Variants in CPNE7 observed in about 807,000 individuals in gnomAD.
CPNE7 encodes copine-7.
A neutral mutation model predicts 66.5 loss-of-function variants in CPNE7; 78 were observed. The ratio of observed to expected loss-of-function variants is 1.17; its 90% CI spans 0.98 to 1.42. The LOEUF is 1.42. CPNE7 is among the 40% of genes most tolerant of loss of function. The probability of loss-of-function intolerance (pLI) is 0.00; values close to 1 mark genes in which losing one functional copy is unlikely to be tolerated. For synonymous variants in CPNE7, 468 were observed against 336.7 expected (o/e 1.39, Z -4.27); for missense variants, 1,012 against 776.6 (o/e 1.30, Z -3.60).
chr16:89,593,357 T>G (rs1597721118), intron 13 of CPNE7, among the ~76,000 whole-genome samples: 1 of 146,654 alleles, frequency 6.8e-6, no homozygotes, highest in East Asian at 2.5e-4. Context: ...TACCTCTTAA[T>G]ATTTTTTTTT....
At chr16:89,587,666 C>G (rs921031642) in intron 9 of CPNE7, 3 of 424,216 alleles carry the variant, frequency 7.1e-6, no homozygotes, top group African/African-American at 6.2e-5. Flanking sequence ...CCATGTCACC[C>G]GCAGACCCCG....
intron 2 of CPNE7, chr16:89,583,462 C>A: frequency 6.4e-7 from 1 of 1,550,744 alleles, no homozygotes; most frequent in Non-Finnish European, 8.7e-7. Flanking sequence ...ACCTCTGCCT[C>A]CCCTGGGCGA....
chr16:89,584,871 G>T lies in CPNE7; in HGVS notation c.591+14G>T. The T allele has an allele frequency of 6.2e-7, 1 of 1,611,086 alleles. No individual in the cohort carries two copies. Among genetic ancestry groups the T allele is most frequent in the Non-Finnish European group, 8.5e-7 (1 of 1,178,290 alleles). On this transcript the variant is annotated intron_variant, in intron 5 of 14. Transcript: ENST00000319518. This position sits in a 1 kb window ranked among gnomAD's most constrained non-coding sequence, Gnocchi z 6.0. ...TACAGGACGGAGGTGAGCGGCCGGGGATGGGAACACAGGGAGGGGAAGGGG... is the reference window on the plus strand; with the variant it reads ...TACAGGACGGAGGTGAGCGGCCGGGTATGGGAACACAGGGAGGGGAAGGGG...
chr16:89,579,248 C>T (rs146416442), intron 2 of CPNE7, among the ~76,000 whole-genome samples: 110 of 151,648 alleles, frequency 7.3e-4, no homozygotes, highest in African/African-American at 2.5e-3. Context: ...GCCGAGATCG[C>T]GCCACTGCAC....
intron 9 of CPNE7, 120 bp from the exon 10 acceptor site, chr16:89,588,555 C>T: frequency 9.4e-6 from 12 of 1,272,842 alleles, no homozygotes; most frequent in South Asian, 2.7e-5. Flanking sequence ...CCCAGCCCTA[C>T]CCACCTACGC....
Position 89,588,733 on chromosome 16 carries a change from A to T in CPNE7, c.986A>T (p.Tyr329Phe). ...CCGCGGAACAGCTGCTCCCTGCACT[A>T]CATCAACCCCTACCAGCCGAACGAG... ...GDPRNSCSLHYINPYQPNEYL... is the reference protein window; with the variant it reads ...GDPRNSCSLHFINPYQPNEYL... Residue 329 changes from tyrosine (Y) to phenylalanine (F), a missense_variant, in exon 10 of 15, where the codon TAC becomes TTC. Coordinates refer to ENST00000319518, the MANE Select transcript of CPNE7 (RefSeq NM_153636.3). The T allele has an allele frequency of 6.2e-7, 1 of 1,613,640 alleles. No homozygotes were observed.
In CPNE7 at chr16:89,591,218, G is replaced by A. The variant is rs1177881331; in HGVS notation, c.1260G>A (p.Val420=). 1 of 1,590,694 alleles carries A rather than the reference G, an allele frequency of 6.3e-7. No individual in the cohort carries two copies. Among genetic ancestry groups the A allele is most frequent in the East Asian group, 2.3e-5 (1 of 43,948 alleles). The stretch of plus-strand genomic sequence containing the variant: ...ACGTGGCGCCCATCATCTCCAAGGT[G>A]GCACGCGTGGCGGCGGCCGAGGAGA... ...PTNVAPIISK[V]ARVAAAEEST... is the part of the protein sequence containing the mutation. Residue 420 remains valine (V), a synonymous_variant, in exon 13 of 15, where the codon GTG becomes GTA. Transcript: ENST00000319518.
chr16:89,577,654 A>T lies in CPNE7; in HGVS notation c.290A>T (p.His97Leu). The T allele has an allele frequency of 6.3e-7, 1 of 1,595,710 alleles. No individual in the cohort carries two copies. The highest frequency in any genetic ancestry group is 8.5e-7 in the Non-Finnish European group (1 of 1,171,274). Residue 97 changes from histidine (H) to leucine (L), a missense_variant, in exon 2 of 15, where the codon CAT becomes CTT. His to Leu is a moderately conservative substitution (Grantham distance 99). Coordinates refer to ENST00000319518, the MANE Select transcript of CPNE7 (RefSeq NM_153636.3). ...QRLRFEVYDT[H>L]GPSGFSCQED... The stretch of plus-strand genomic sequence containing the variant: ...CTGCGCTTTGAGGTGTACGACACGC[A>T]TGGGCCCAGCGGCTTCAGCTGTCAG...
intron 2 of CPNE7, chr16:89,578,874 T>G: frequency 2.5e-6 from 4 of 1,612,476 alleles, no homozygotes; most frequent in Non-Finnish European, 3.4e-6. Context: ...AAAAGTGGCT[T>G]CTGCAAGTCG....
chr16:89,588,960 G>GCTATGACAGGT, intron 10 of CPNE7, 152 bp downstream of exon 10: 1 of 883,600 alleles, frequency 1.1e-6, no homozygotes, highest in East Asian at 2.7e-5. Context: ...CTCCAGGTCA[G>GCTATGACAGGT]GCCTCGGGGC....
At chr16:89,586,805 C>T (rs373086059) in intron 8 of CPNE7, 49 bp downstream of exon 8, 215 of 1,481,338 alleles carry the variant, frequency 1.5e-4, no homozygotes, top group African/African-American at 5.1e-4. Flanking sequence ...GAGGGGCTTC[C>T]GCTGCCTCCC....
chr16:89,578,998 T>G (rs757952722), intron 2 of CPNE7: 1 of 1,594,774 alleles, frequency 6.3e-7, no homozygotes. Flanking sequence ...TTTATTGAGG[T>G]AAAATTTACA....
chr16:89,577,763 TG>T, intron 2 of CPNE7, 42 bp downstream of exon 2: 2 of 1,544,558 alleles, frequency 1.3e-6, no homozygotes, highest in Non-Finnish European at 8.7e-7. Context: ...ACGGTTGGCG[TG>T]GGGGCCACAG....
At chr16:89,578,739 G>C in intron 2 of CPNE7, 1 of 1,347,276 alleles carries the variant, frequency 7.4e-7, no homozygotes, top group Non-Finnish European at 9.5e-7. Context: ...CAGCCTGAGT[G>C]ACAGATTGAG....
intron 2 of CPNE7, among the ~76,000 whole-genome samples, chr16:89,581,070 A>C (rs2058949487): frequency 6.8e-6 from 1 of 146,196 alleles, no homozygotes; most frequent in Non-Finnish European, 1.5e-5. Flanking sequence ...ACATCCCGTC[A>C]CCTGTCACAC....
In CPNE7 at chr16:89,585,788, G is replaced by A. The variant is rs1463348233; in HGVS notation, c.780+3G>A. 1.4e-6 allele frequency: 2 copies of A among 1,460,966 alleles called. No individual in the cohort carries two copies. The highest frequency in any genetic ancestry group is 1.2e-5 in the South Asian group (1 of 81,838). The allele number at this position is 1,460,966 out of a possible 1,614,324, so 90.5% of individuals were successfully genotyped here. On this transcript the variant is annotated splice_donor_region_variant and intron_variant, in intron 7 of 14. Coordinates refer to ENST00000319518, the MANE Select transcript of CPNE7 (RefSeq NM_153636.3). ...AGAAGGCCTTTGAGGAGGGGCAGGTGAGCAGGACGGGGTAGGGGGTCCTCC... is the reference window on the plus strand; with the variant it reads ...AGAAGGCCTTTGAGGAGGGGCAGGTAAGCAGGACGGGGTAGGGGGTCCTCC...
intron 8 of CPNE7, 54 bp from the exon 9 acceptor site, chr16:89,586,989 G>C: frequency 3.3e-6 from 5 of 1,520,206 alleles, no homozygotes; most frequent in Non-Finnish European, 4.5e-6. Context: ...ATCCCAGCTG[G>C]CACTGGCCTC....
At chr16:89,579,484 GATCACCCGTCACACGGAACATCCC>G (rs981920160) in intron 2 of CPNE7, among the ~76,000 whole-genome samples, 13 of 135,356 alleles carry the variant, frequency 9.6e-5, no homozygotes, top group Non-Finnish European at 1.7e-4. Flanking sequence ...CGGAACATCC[GATCACCCGTCACACGGAACATCCC>G]ATCACACAGA....
At chr16:89,578,052 CTTT>C (rs992402318) in intron 2 of CPNE7, among the ~76,000 whole-genome samples, 3 of 140,046 alleles carry the variant, frequency 2.1e-5, no homozygotes, top group Middle Eastern at 3.6e-3. Context: ...CCTCTTTTTT[CTTT>C]TTTTTCTTTT....
Sources: gnomAD v4.1 joint callset for allele counts (sites outside exome capture counted in the v4.1 genomes callset) on GRCh38, gnomAD v4.1.1 for gene constraint, Gnocchi (gnomAD v3.1) non-coding constraint, MANE v1.5 for transcripts, NCBI Gene and HGNC (gene_info 2026-07-23, HGNC 2026-07-21) for gene names.